Variants in WDR81 observed in about 807,000 individuals in gnomAD.
The protein encoded by WDR81 is WD repeat-containing protein 81.
A neutral mutation model predicts 140.8 loss-of-function variants in WDR81; 92 were observed. That is an observed-to-expected ratio of 0.65 (90% confidence interval 0.55 to 0.78). The LOEUF (loss-of-function observed/expected upper bound fraction) is 0.78. Among genes scored for constraint, WDR81 ranks in the 30% least tolerant of loss-of-function variants. The pLI is 0.00. For synonymous variants in WDR81, 1,183 were observed against 1,156.4 expected (o/e 1.02, Z -0.47); for missense variants, 2,502 against 2,636.4 (o/e 0.95, Z 1.12).
At chr17:1,732,593 C>G in intron 5 of WDR81, 73 bp from the exon 6 acceptor site, 1 of 1,571,132 alleles carries the variant, frequency 6.4e-7, no homozygotes, top group Non-Finnish European at 8.6e-7. Flanking sequence ...ACTCCGCGGG[C>G]CGTGGCGAGG....
At position 1,725,036 on chromosome 17, in the gene WDR81, A is replaced by G. The variant is rs1402125062; in HGVS notation, c.77A>G (p.Asp26Gly). 1 of 1,472,796 alleles carries G rather than the reference A, an allele frequency of 6.8e-7. No individual in the cohort carries two copies. Among genetic ancestry groups the G allele is most frequent in the South Asian group, 1.4e-5 (1 of 72,472 alleles). The allele number at this position is 1,472,796 out of a possible 1,614,324, so 91.2% of individuals were successfully genotyped here. Residue 26 changes from aspartate (D) to glycine (G), a missense_variant, in exon 1 of 10, where the codon GAC (aspartate) becomes GGC (glycine). This residue lies in a region of WDR81 where 547 missense variants were observed against 513.8 expected (regional missense o/e 1.06). Transcript: ENST00000409644. ...AGGWHSPPSP[D>G]MQELLRSVER... ...GGCTGGCATTCCCCGCCAAGCCCAGACATGCAGGAGCTGCTCCGGAGCGTG... is the reference window on the plus strand; with the variant it reads ...GGCTGGCATTCCCCGCCAAGCCCAGGCATGCAGGAGCTGCTCCGGAGCGTG...
chr17:1,736,266 T>C, intron 9 of WDR81, 48 bp downstream of exon 9: 1 of 1,565,050 alleles, frequency 6.4e-7, no homozygotes, highest in Non-Finnish European at 8.6e-7. Flanking sequence ...CCCGCCCCTG[T>C]CCAGCCATCA....
In WDR81 at chr17:1,733,908, A is replaced by C. The variant is rs770216915; in HGVS notation, c.4871A>C (p.Glu1624Ala). 10 of 1,612,582 alleles carry C rather than the reference A, an allele frequency of 6.2e-6. No individual in the cohort carries two copies. The Admixed American group carries it at 1.7e-4, about 27-fold the overall frequency. ...AACTGGCTGGCGTACTGGCAGTACG[A>C]GATCGGCGTGAGCCAGCAGGATGCC... ...SGNWLAYWQY[E>A]IGVSQQDAHF... is the part of the protein sequence containing the mutation. The change falls in exon 7 of 10, where the codon GAG becomes GCG. Residue 1624 changes from glutamate to alanine, a missense_variant. This residue lies in a region of WDR81 where 1,737 missense variants were observed against 1,843.0 expected (regional missense o/e 0.94). Transcript: ENST00000409644.
At position 1,737,942 on chromosome 17, in the gene WDR81, A is replaced by G. The variant is rs1905025951; in HGVS notation, c.*257A>G. 3 of 575,814 alleles carry G rather than the reference A, an allele frequency of 5.2e-6. No individual in the cohort carries two copies. Among genetic ancestry groups the G allele is most frequent in the Non-Finnish European group, 9.2e-6 (3 of 325,802 alleles). 35.7% of individuals were successfully genotyped at this position (575,814 alleles called of 1,614,324 possible). ...GGCTCCTAGCAAGCAGGAAGTTAAG[A>G]GCAGGAGGAAGCGTTGCTACCTTCA... On this transcript the variant is annotated 3_prime_UTR_variant, in exon 10 of 10. Transcript: ENST00000409644.
In WDR81 at chr17:1,726,844, C is replaced by A. The variant is rs1189710679; in HGVS notation, c.1885C>A (p.Leu629Ile). 3 of 1,550,204 alleles carry A rather than the reference C, an allele frequency of 1.9e-6. No individual in the cohort carries two copies. Among genetic ancestry groups the A allele is most frequent in the Non-Finnish European group, 1.7e-6 (2 of 1,146,900 alleles). ...GGACTTCACGGAAAACCCGGGACAGCTTCCAAATGGAGTGGGCCGGCCAGT... is the reference window on the plus strand; with the variant it reads ...GGACTTCACGGAAAACCCGGGACAGATTCCAAATGGAGTGGGCCGGCCAGT... ...REDFTENPGQ[L>I]PNGVGRPVLE... The change falls in exon 1 of 10, where the codon CTT (leucine) becomes ATT (isoleucine). Residue 629 changes from leucine (L) to isoleucine (I), a missense_variant. Transcript: ENST00000409644.
intron 9 of WDR81, among the ~76,000 whole-genome samples, chr17:1,736,495 T>A (rs995232680): frequency 1.3e-5 from 2 of 152,194 alleles, no homozygotes; most frequent in Non-Finnish European, 2.9e-5. Flanking sequence ...CTCATGGCGA[T>A]GTTCTAATGA....
Position 1,735,527 on chromosome 17 carries a change from C to T in WDR81, c.5180-45C>T, listed in dbSNP as rs560315223. 214 of 1,536,100 alleles carry T rather than the reference C, an allele frequency of 1.4e-4. 2 individuals are homozygous for T. The highest frequency in any genetic ancestry group is 9.1e-4 in the South Asian group (73 of 79,880). On this transcript the variant is annotated intron_variant, in intron 7 of 9. Transcript: ENST00000409644. This position sits in a 1 kb window ranked among gnomAD's most constrained non-coding sequence, Gnocchi z 4.2. ...GGATTAGAAGCTCCCAGGGCTCTTCCGTCAGCTGCTGGGACCCCAGATCCA... is the reference window on the plus strand; with the variant it reads ...GGATTAGAAGCTCCCAGGGCTCTTCTGTCAGCTGCTGGGACCCCAGATCCA...
At position 1,731,056 on chromosome 17, in the gene WDR81, C is replaced by T. The variant is rs766635421; in HGVS notation, c.3967-12C>T. 106 of 1,610,440 alleles carry T rather than the reference C, an allele frequency of 6.6e-5. 1 individual carries two copies. Among genetic ancestry groups the T allele is most frequent in the Non-Finnish European group, 8.5e-5 (100 of 1,178,736 alleles). On this transcript the variant is annotated splice_polypyrimidine_tract_variant and intron_variant, in intron 3 of 9. Coordinates refer to ENST00000409644, the MANE Select transcript of WDR81 (RefSeq NM_001163809.2). ...TGGGGCTGCCCGGCCCTCATCTGCTCGGTGGCTCTAGGTGGCCCCAGGGAG... is the reference window on the plus strand; with the variant it reads ...TGGGGCTGCCCGGCCCTCATCTGCTTGGTGGCTCTAGGTGGCCCCAGGGAG...
chr17:1,728,504 CTCTG>C lies in WDR81; in HGVS notation c.3550_3553del (p.Ser1184ThrfsTer69). The C allele has an allele frequency of 1.3e-6, 2 of 1,590,082 alleles. No homozygotes were observed. The highest frequency in any genetic ancestry group is 1.7e-6 in the Non-Finnish European group (2 of 1,167,492). ...GAGGTCACCGGGGCATCTGAGCTCA[CTCTG>C]TCTGACACGGTGCTGTCCATGGAGA... On this transcript the variant is annotated frameshift_variant, in exon 1 of 10. Coordinates refer to ENST00000409644, the MANE Select transcript of WDR81 (RefSeq NM_001163809.2). LOFTEE classifies it high-confidence loss of function.
Position 1,725,016 on chromosome 17 carries a change from G to C in WDR81, c.57G>C (p.Trp19Cys), listed in dbSNP as rs866135378. Residue 19 changes from tryptophan (W) to cysteine (C), a missense_variant, in exon 1 of 10, where the codon TGG (tryptophan) becomes TGC (cysteine). By Grantham distance (215) the Trp-to-Cys change is radical (BLOSUM62 -2). This residue lies in a region of WDR81 where 547 missense variants were observed against 513.8 expected (regional missense o/e 1.06). Coordinates refer to ENST00000409644, the MANE Select transcript of WDR81 (RefSeq NM_001163809.2). ...EGALRTPAGGWHSPPSPDMQE... is the reference protein window; with the variant it reads ...EGALRTPAGGCHSPPSPDMQE... ...CTCTCAGAACCCCGGCCGGGGGCTGGCATTCCCCGCCAAGCCCAGACATGC... is the reference window on the plus strand; with the variant it reads ...CTCTCAGAACCCCGGCCGGGGGCTGCCATTCCCCGCCAAGCCCAGACATGC... 1 of 1,472,018 alleles carries C rather than the reference G, an allele frequency of 6.8e-7. No individual in the cohort carries two copies. The highest frequency in any genetic ancestry group is 2.5e-5 in the Admixed American group (1 of 39,590). The allele number at this position is 1,472,018 out of a possible 1,614,324, so 91.2% of individuals were successfully genotyped here.
intron 9 of WDR81, among the ~76,000 whole-genome samples, chr17:1,736,552 C>T (rs1904885052): frequency 6.6e-6 from 1 of 152,142 alleles, no homozygotes; most frequent in Non-Finnish European, 1.5e-5. Context: ...AGGGGTCAGG[C>T]CCTGTCCGTG....
Position 1,725,886 on chromosome 17 carries a change from C to T in WDR81, c.927C>T (p.Pro309=), listed in dbSNP as rs1459424586. 3.9e-6 allele frequency: 6 copies of T among 1,550,750 alleles called. No homozygotes were observed. Among genetic ancestry groups the T allele is most frequent in the East Asian group, 2.4e-5 (1 of 40,920 alleles). ...TGGACCTGAGTGCTTATGAGAGGCCCGAGGAGGACGAGAATGAGGAGGCCC... is the reference window on the plus strand; with the variant it reads ...TGGACCTGAGTGCTTATGAGAGGCCTGAGGAGGACGAGAATGAGGAGGCCC... ...LRLDLSAYER[P]EEDENEEAPV... Residue 309 remains proline (P), a synonymous_variant, in exon 1 of 10, where the codon CCC becomes CCT. Coordinates refer to ENST00000409644, the MANE Select transcript of WDR81 (RefSeq NM_001163809.2).
chr17:1,730,236 G>C (rs1163603516), intron 1 of WDR81, 144 bp from the exon 2 acceptor site: 4 of 638,058 alleles, frequency 6.3e-6, no homozygotes, highest in East Asian at 2.8e-5. Flanking sequence ...TTACGTGGAG[G>C]GGGTGGTGTG....
Position 1,726,732 on chromosome 17 carries a change from C to G in WDR81, c.1773C>G (p.Arg591=), listed in dbSNP as rs1246773264. The G allele has an allele frequency of 1.3e-6, 2 of 1,548,140 alleles. No individual in the cohort carries two copies. The highest frequency in any genetic ancestry group is 1.7e-6 in the Non-Finnish European group (2 of 1,146,538). ...TCTTCGATCAGCCACACCCCCAGCG[C>G]CTGGCTGGGGCTCCTGCCCTTGCCC... ...VQLFDQPHPQ[R]LAGAPALAPE... is the part of the protein sequence containing the mutation. Residue 591 remains arginine, a synonymous_variant, in exon 1 of 10, where the codon CGC becomes CGG. Coordinates refer to ENST00000409644, the MANE Select transcript of WDR81 (RefSeq NM_001163809.2).
upstream of WDR81, among the ~76,000 whole-genome samples, chr17:1,724,376 A>C (rs1393032471): frequency 6.6e-6 from 1 of 152,112 alleles, no homozygotes; most frequent in Non-Finnish European, 1.5e-5. Flanking sequence ...AAATAGACAC[A>C]ACAGAAGTCC....
intron 2 of WDR81, 108 bp downstream of exon 2, chr17:1,730,595 C>A: frequency 7.1e-7 from 1 of 1,413,074 alleles, no homozygotes; most frequent in Non-Finnish European, 9.5e-7. Context: ...TCAAACCACC[C>A]CCCGGCCAGG....
chr17:1,724,795 GC>G lies in WDR81; in HGVS notation c.-159del. ...GCAGGACCCGCGGAGGGGTAAGCGC[GC>G]CCCCCGTCCGCCTCTTCGCCGCCGC... On this transcript the variant is annotated 5_prime_UTR_variant, in exon 1 of 10. Transcript: ENST00000409644. The G allele has an allele frequency of 8.4e-7, 1 of 1,183,478 alleles. No individual in the cohort carries two copies. The highest frequency in any genetic ancestry group is 1.0e-6 in the Non-Finnish European group (1 of 956,702). The allele number at this position is 1,183,478 out of a possible 1,614,324, so 73.3% of individuals were successfully genotyped here.
At position 1,725,004 on chromosome 17, in the gene WDR81, G is replaced by T; in HGVS notation, c.45G>T (p.Pro15=). 6.8e-7 allele frequency: 1 copy of T among 1,469,578 alleles called. No individual in the cohort carries two copies. The highest frequency in any genetic ancestry group is 9.0e-7 in the Non-Finnish European group (1 of 1,113,130). 91.0% of individuals were successfully genotyped at this position (1,469,578 alleles called of 1,614,324 possible). ...SGGREGALRT[P]AGGWHSPPSP... is the part of the protein sequence containing the mutation. ...GGCGGGAAGGCGCTCTCAGAACCCCGGCCGGGGGCTGGCATTCCCCGCCAA... is the reference window on the plus strand; with the variant it reads ...GGCGGGAAGGCGCTCTCAGAACCCCTGCCGGGGGCTGGCATTCCCCGCCAA... Residue 15 remains proline (P), a synonymous_variant, in exon 1 of 10, where the codon CCG becomes CCT. Coordinates refer to ENST00000409644, the MANE Select transcript of WDR81 (RefSeq NM_001163809.2).
chr17:1,731,143 C>G lies in WDR81; in HGVS notation c.4042C>G (p.Leu1348Val). The change falls in exon 4 of 10, where the codon CTG becomes GTG. Residue 1348 changes from leucine (L) to valine (V), a missense_variant. Physicochemically the swap from Leu to Val is conservative, Grantham distance 32. This residue lies in a region of WDR81 where 1,737 missense variants were observed against 1,843.0 expected (regional missense o/e 0.94). Transcript: ENST00000409644. ...GGCGGGGCTGCTGGCCGCGGTGACG[C>G]TGACTCAGAAGATCATCGTGTACCT... ...KEAGLLAAVT[L>V]TQKIIVYLSD... 6.2e-7 allele frequency: 1 copy of G among 1,613,382 alleles called. No individual in the cohort carries two copies. The highest frequency in any genetic ancestry group is 8.5e-7 in the Non-Finnish European group (1 of 1,180,016).
Sources: gnomAD v4.1 joint callset for allele counts (sites outside exome capture counted in the v4.1 genomes callset) on GRCh38, gnomAD v4.1.1 for gene constraint, gnomAD v4.1.1 regional missense constraint, Gnocchi (gnomAD v3.1) non-coding constraint, MANE v1.5 for transcripts, NCBI Gene and HGNC (gene_info 2026-07-23, HGNC 2026-07-21) for gene names.